VIP: variants seen among roughly 807,000 people sequenced by gnomAD.
VIP encodes vasoactive intestinal peptide.
A neutral mutation model predicts 20.1 loss-of-function variants in VIP; 18 were observed. The ratio of observed to expected loss-of-function variants is 0.90; its 90% confidence interval spans 0.62 to 1.33. The LOEUF (loss-of-function observed/expected upper bound fraction) is 1.33, where lower values mean the gene tolerates loss of function less well. Ranked by LOEUF, VIP falls within the 40% of genes most tolerant of loss-of-function variation. The pLI is 0.00. For synonymous variants in VIP, 70 were observed against 68.1 expected, an observed-to-expected ratio of 1.03 and a Z score of -0.14; for missense variants, 209 against 199.4, an observed-to-expected ratio of 1.05 and a Z score of -0.29.
At chr6:152,756,329 C>A in intron 5 of VIP, 64 bp downstream of exon 5, 1 of 1,535,208 alleles carries the variant, frequency 6.5e-7, no homozygotes, top group South Asian at 1.3e-5. Context: ...AGAAGCTGCA[C>A]ATGGAGACCT....
At chr6:152,752,374 T>A in intron 2 of VIP, 90 bp downstream of exon 2, 1 of 1,055,496 alleles carries the variant, frequency 9.5e-7, no homozygotes, top group Non-Finnish European at 1.4e-6. Context: ...CTAAATAGTA[T>A]AAATTATGTA....
At chr6:152,754,444 G>A (rs952075533) in intron 3 of VIP, among the ~76,000 whole-genome samples, 156 bp downstream of exon 3, 12 of 152,054 alleles carry the variant, frequency 7.9e-5, no homozygotes, top group African/African-American at 2.9e-4. Flanking sequence ...CTGATTTACT[G>A]CAGATCTTAC....
At chr6:152,754,322 T>A in intron 3 of VIP, 34 bp downstream of exon 3, 1 of 1,569,050 alleles carries the variant, frequency 6.4e-7, no homozygotes, top group Non-Finnish European at 8.7e-7. Flanking sequence ...TCCAATGAGT[T>A]TTATTTTAGA....
At chr6:152,752,138 G>A (rs1365008939) in intron 1 of VIP, 30 bp from the exon 2 acceptor site, 1 of 1,546,556 alleles carries the variant, frequency 6.5e-7, no homozygotes, top group East Asian at 2.3e-5. Flanking sequence ...ATCTTTGGCT[G>A]GAAGAACTGA....
rs143532211 is a variant in VIP, at chr6:152,753,821, C to T, written c.108-345C>T. Reference sequence around the variant, plus strand: ...TTCTATTTTGCATAAAATATTTCTACATACGAAATTTGACTTTGCAAAGTG... The same window carrying T: ...TTCTATTTTGCATAAAATATTTCTATATACGAAATTTGACTTTGCAAAGTG... On this transcript the variant is annotated intron_variant, in intron 2 of 6. Transcript: ENST00000367244. Among the ~76,000 whole-genome samples, 660 of 152,128 alleles carry T rather than the reference C, an allele frequency of 4.3e-3. 3 individuals carry two copies. Among genetic ancestry groups the T allele is most frequent in the Non-Finnish European group, 8.0e-3 (547 of 67,968 alleles).
At position 152,757,442 on chromosome 6, in the gene VIP, A is replaced by G. The variant is rs545555363; in HGVS notation, c.*43+258A>G. ...GAGATCTGAATAGTGTTCCTGGCTT[A>G]CTTGGGGTTATTTCTACCTTTGTAT... On this transcript the variant is annotated intron_variant, in intron 6 of 6. Transcript: ENST00000367244. Among the ~76,000 whole-genome samples the G allele has an allele frequency of 1.9e-4, 29 of 152,030 alleles. No homozygotes were observed. The East Asian group carries it at 2.3e-3, about 12-fold the overall frequency.
chr6:152,754,117 T>C (rs1258495224), intron 2 of VIP, 49 bp from the exon 3 acceptor site: 2 of 1,584,834 alleles, frequency 1.3e-6, no homozygotes, highest in Non-Finnish European at 8.6e-7. Flanking sequence ...CCATACACAC[T>C]GTCTTCTGAA....
chr6:152,751,876 T>C (rs1400162924), intron 1 of VIP, among the ~76,000 whole-genome samples: 1 of 152,090 alleles, frequency 6.6e-6, no homozygotes, highest in Non-Finnish European at 1.5e-5. Context: ...TATGAAAAGA[T>C]TGTCCCCAGG....
At chr6:152,751,999 G>T (rs774403187) in intron 1 of VIP, among the ~76,000 whole-genome samples, 169 bp from the exon 2 acceptor site, 6 of 152,132 alleles carry the variant, frequency 3.9e-5, no homozygotes, top group Non-Finnish European at 5.9e-5. Context: ...GTCACTGAGA[G>T]AAATACTGAT....
chr6:152,757,165 C>G lies in VIP; in HGVS notation c.*24C>G. 4 of 1,609,208 alleles carry G rather than the reference C, an allele frequency of 2.5e-6. No individual in the cohort carries two copies. Among genetic ancestry groups the G allele is most frequent in the Non-Finnish European group, 3.4e-6 (4 of 1,176,940 alleles). On this transcript the variant is annotated 3_prime_UTR_variant, in exon 6 of 7. Coordinates refer to ENST00000367244, the MANE Select transcript of VIP (RefSeq NM_003381.4). ...GATGAAAAAGACCTTTGGAGCAAAG[C>G]TGATGACAACTTCCCAGTGGTGGGT...
At chr6:152,756,349 A>C in intron 5 of VIP, 84 bp downstream of exon 5, 27 of 1,452,370 alleles carry the variant, frequency 1.9e-5, no homozygotes, top group Middle Eastern at 1.9e-4. Context: ...TCTCTATCTC[A>C]CTTATCTAGC....
At position 152,754,282 on chromosome 6, in the gene VIP, T is replaced by A; in HGVS notation, c.224T>A (p.Val75Glu). The change falls in exon 3 of 7, where the codon GTA (valine) becomes GAA (glutamate). Residue 75 changes from valine to glutamate, a missense_variant. By Grantham distance (121) the Val-to-Glu change is moderately radical. Transcript: ENST00000367244. The stretch of plus-strand genomic sequence containing the variant: ...GAAAATGACACACCCTATTATGATG[T>A]ATCCAGGTGAGTTTATTTTTATAAA... ...LAENDTPYYDVSRNARHADGV... is the reference protein window; with the variant it reads ...LAENDTPYYDESRNARHADGV... 1 of 1,597,638 alleles carries A rather than the reference T, an allele frequency of 6.3e-7. No individual in the cohort carries two copies. The highest frequency in any genetic ancestry group is 8.5e-7 in the Non-Finnish European group (1 of 1,173,160).
intron 4 of VIP, 114 bp downstream of exon 4, chr6:152,755,487 T>C: frequency 1.6e-6 from 1 of 632,452 alleles, no homozygotes; most frequent in South Asian, 4.1e-5. Flanking sequence ...TCGTTGATAA[T>C]GTTTAATTTA....
chr6:152,753,164 C>T (rs2099729907), intron 2 of VIP, among the ~76,000 whole-genome samples: 1 of 152,040 alleles, frequency 6.6e-6, no homozygotes, highest in Admixed American at 6.6e-5. Context: ...AAATACAGCT[C>T]CTGCGTTGCT....
At chr6:152,756,862 G>T (rs999604729) in intron 5 of VIP, among the ~76,000 whole-genome samples, 2 of 151,770 alleles carry the variant, frequency 1.3e-5, no homozygotes, top group Admixed American at 6.6e-5. Context: ...GTTTGGGTGT[G>T]ATCAGACAAG....
intron 1 of VIP, among the ~76,000 whole-genome samples, chr6:152,751,556 A>G (rs549825811): frequency 2.6e-5 from 4 of 152,262 alleles, no homozygotes; most frequent in Admixed American, 6.5e-5. Context: ...TGATTCAGTA[A>G]TATTTTGAGT....
At chr6:152,757,779 T>C (rs1421590872) in intron 6 of VIP, among the ~76,000 whole-genome samples, 2 of 152,120 alleles carry the variant, frequency 1.3e-5, no homozygotes, top group South Asian at 4.1e-4. Context: ...TGCCAACATT[T>C]TTTTTGAGCA....
At chr6:152,756,542 G>A (rs966703296) in intron 5 of VIP, among the ~76,000 whole-genome samples, 65 of 151,954 alleles carry the variant, frequency 4.3e-4, no homozygotes, top group African/African-American at 1.4e-3. Flanking sequence ...TATGCTGCCA[G>A]TGTTAAAAAT....
At chr6:152,754,391 A>C (rs901837443) in intron 3 of VIP, 103 bp downstream of exon 3, 1 of 1,109,454 alleles carries the variant, frequency 9.0e-7, no homozygotes, top group African/African-American at 1.6e-5. Flanking sequence ...CTATTCCGAT[A>C]GCAAAACACT....
Sources: allele counts gnomAD v4.1 joint callset (sites outside exome capture counted in the v4.1 genomes callset), GRCh38; gene constraint gnomAD v4.1.1; transcripts MANE v1.5; gene names NCBI Gene and HGNC (gene_info 2026-07-23, HGNC 2026-07-21).